Variants in PIP5K1C observed in about 807,000 individuals in gnomAD.
PIP5K1C encodes phosphatidylinositol-4-phosphate 5-kinase type 1 gamma, also known as phosphatidylinositol 4-phosphate 5-kinase type-1 gamma.
In PIP5K1C, 45 loss-of-function variants were observed where a neutral mutation model predicts 80.1. That is an observed-to-expected ratio of 0.56 (90% CI 0.44 to 0.72). PIP5K1C has a LOEUF of 0.72. Ranked by LOEUF, PIP5K1C falls within the 30% of genes least tolerant of loss-of-function variation. The pLI is 0.00. For synonymous variants in PIP5K1C, 498 were observed against 420.1 expected, an observed-to-expected ratio of 1.19 and a Z score of -2.27; for missense variants, 753 against 954.6, an observed-to-expected ratio of 0.79 and a Z score of 2.78.
intron 1 of PIP5K1C, among the ~76,000 whole-genome samples, chr19:3,680,732 A>C (rs147234743): frequency 6.6e-6 from 1 of 152,392 alleles, no homozygotes; most frequent in African/African-American, 2.4e-5. Flanking sequence ...GTCAGGGGTC[A>C]GCAAACTTTT....
In PIP5K1C at chr19:3,696,985, T is replaced by C. The variant is rs1212594467; in HGVS notation, c.94+3312A>G. 2.0e-5 allele frequency among the ~76,000 whole-genome samples: 3 copies of C among 149,466 alleles called. No homozygotes were observed. The highest frequency in any genetic ancestry group is 3.0e-5 in the Non-Finnish European group (2 of 67,174). On this transcript the variant is annotated intron_variant, in intron 1 of 17. Coordinates refer to ENST00000335312, the MANE Select transcript of PIP5K1C (RefSeq NM_012398.3). The surrounding 1 kb of genome is among the most constrained non-coding windows in gnomAD (Gnocchi z 4.1). ...AGGACTGAGCTGGACCGAGGAGGAC[T>C]GAGCTGGACGGAGGAGGATCGAGCT... is the stretch of plus-strand genomic sequence containing the variant.
In PIP5K1C at chr19:3,700,287, G is replaced by A; in HGVS notation, c.94+10C>T. On this transcript the variant is annotated intron_variant, in intron 1 of 17. Coordinates refer to ENST00000335312, the MANE Select transcript of PIP5K1C (RefSeq NM_012398.3). ...CAGCGGGCCGCAGCCCCGGGAGGCC[G>A]GGCCGTTACCTGCCGCCGCCCCGCT... is the stretch of plus-strand genomic sequence containing the variant. The A allele has an allele frequency of 3.2e-6, 4 of 1,261,772 alleles. No homozygotes were observed. The highest frequency in any genetic ancestry group is 3.0e-5 in the Admixed American group (1 of 33,230). 78.2% of individuals were successfully genotyped at this position (1,261,772 alleles called of 1,614,324 possible). A position where few individuals can be genotyped will look rare whatever the true frequency, so the allele number is the denominator to read the frequency against.
intron 1 of PIP5K1C, among the ~76,000 whole-genome samples, chr19:3,685,176 T>A (rs1339102014): frequency 2.6e-5 from 4 of 152,134 alleles, no homozygotes; most frequent in Non-Finnish European, 5.9e-5. Flanking sequence ...CAGCAATGGG[T>A]TGGGGACTCA....
chr19:3,643,422 GCCCC>G, intron 12 of PIP5K1C, 41 bp from the exon 13 acceptor site: 1 of 1,610,356 alleles, frequency 6.2e-7, no homozygotes, highest in Non-Finnish European at 8.5e-7. Flanking sequence ...GAGCCTCCGA[GCCCC>G]CAAACACACA....
At position 3,644,116 on chromosome 19, in the gene PIP5K1C, GC is replaced by G; in HGVS notation, c.1480del (p.Ala494ProfsTer117). 6.2e-7 allele frequency: 1 copy of G among 1,611,348 alleles called. No individual in the cohort carries two copies. Reference sequence around the variant, plus strand: ...GTCCTCCAGCGTGGGGTAGCTGCGGGCCCCCCGCAGGTCGTACTGGGCCTCC... The same window carrying G: ...GTCCTCCAGCGTGGGGTAGCTGCGGGCCCCCGCAGGTCGTACTGGGCCTCC... Reference protein sequence around the residue: ...REEAQYDLRGARSYPTLEDEG... With the variant: ...REEAQYDLRGXRSYPTLEDEG... On this transcript the variant is annotated frameshift_variant, in exon 12 of 18. Coordinates refer to ENST00000335312, the MANE Select transcript of PIP5K1C (RefSeq NM_012398.3). LOFTEE classifies it high-confidence loss of function.
chr19:3,637,716 CG>C lies in PIP5K1C; in HGVS notation c.1920+1167del. The C allele has an allele frequency of 1.5e-6, 2 of 1,296,408 alleles. No individual in the cohort carries two copies. Among genetic ancestry groups the C allele is most frequent in the Non-Finnish European group, 1.0e-6 (1 of 994,070 alleles). 80.3% of individuals were successfully genotyped at this position (1,296,408 alleles called of 1,614,324 possible). On this transcript the variant is annotated intron_variant, in intron 16 of 17. Coordinates refer to ENST00000335312, the MANE Select transcript of PIP5K1C (RefSeq NM_012398.3). The surrounding 1 kb of genome is among the most constrained non-coding windows in gnomAD (Gnocchi z 7.0). Reference sequence around the variant, plus strand: ...GGGTGGGAGAGGCGGAGGGAGGTGGCGGGGAGCAGGTGGGGACAGCTGACTG... The same window carrying C: ...GGGTGGGAGAGGCGGAGGGAGGTGGCGGGAGCAGGTGGGGACAGCTGACTG...
rs939770025 is a variant in PIP5K1C at position 3,696,744 on chromosome 19, A to G, written c.94+3553T>C. Among the ~76,000 whole-genome samples the G allele has an allele frequency of 5.0e-4, 9 of 17,968 alleles. No individual in the cohort carries two copies. The highest frequency in any genetic ancestry group is 7.1e-4 in the Admixed American group (1 of 1,414). The allele number at this position is 17,968 out of a possible 152,430, so 11.8% of individuals were successfully genotyped here. A position where few individuals can be genotyped will look rare whatever the true frequency, so the allele number is the denominator to read the frequency against. The stretch of plus-strand genomic sequence containing the variant: ...GAGGGCAGAGTGCGGAGGGGAGGGC[A>G]GGGAGGGCAGGGAGGGCCCGGGGCA... On this transcript the variant is annotated intron_variant, in intron 1 of 17. Coordinates refer to ENST00000335312, the MANE Select transcript of PIP5K1C (RefSeq NM_012398.3). The surrounding 1 kb of genome is among the most constrained non-coding windows in gnomAD (Gnocchi z 4.1).
At position 3,670,055 on chromosome 19, in the gene PIP5K1C, G is replaced by C. The variant is rs1252684772; in HGVS notation, c.95-2702C>G. 3.3e-5 allele frequency among the ~76,000 whole-genome samples: 5 copies of C among 150,742 alleles called. 1 individual carries two copies. In the South Asian group the frequency reaches 1.1e-3, roughly 32 times the overall value. On this transcript the variant is annotated intron_variant, in intron 1 of 17. Coordinates refer to ENST00000335312, the MANE Select transcript of PIP5K1C (RefSeq NM_012398.3). ...GCTGGGGCCAGAAGCCTCTGCAGGC[G>C]GCAGGTGGGGAGGGGACTGCGGTCA... is the stretch of plus-strand genomic sequence containing the variant.
At chr19:3,661,743 A>G in intron 4 of PIP5K1C, 128 bp downstream of exon 4, 1 of 1,123,802 alleles carries the variant, frequency 8.9e-7, no homozygotes, top group Non-Finnish European at 1.3e-6. Context: ...GCCAGAGCTC[A>G]AGGCCAAGGA....
In PIP5K1C at chr19:3,696,634, G is replaced by T. The variant is rs138593091; in HGVS notation, c.94+3663C>A. Among the ~76,000 whole-genome samples, 3,383 of 150,372 alleles carry T rather than the reference G, an allele frequency of 0.022. 88 individuals are homozygous for T. The highest frequency in any genetic ancestry group is 0.057 in the African/African-American group (2,328 of 40,610). Reference sequence around the variant, plus strand: ...GGGGGTGGGGGGCAGCCGTGCAAAGGCCCCGGGGCAGGACCATGCCCTGCA... The same window carrying T: ...GGGGGTGGGGGGCAGCCGTGCAAAGTCCCCGGGGCAGGACCATGCCCTGCA... On this transcript the variant is annotated intron_variant, in intron 1 of 17. Coordinates refer to ENST00000335312, the MANE Select transcript of PIP5K1C (RefSeq NM_012398.3). This position sits in a 1 kb window ranked among gnomAD's most constrained non-coding sequence, Gnocchi z 4.1.
chr19:3,646,531 G>A (rs1056663149), intron 10 of PIP5K1C, among the ~76,000 whole-genome samples: 6 of 152,144 alleles, frequency 3.9e-5, no homozygotes, highest in Admixed American at 6.5e-5. Flanking sequence ...GGTGGTGCCC[G>A]GCCACTCTGG....
chr19:3,686,961 G>A (rs1447769443), intron 1 of PIP5K1C, among the ~76,000 whole-genome samples: 1 of 152,106 alleles, frequency 6.6e-6, no homozygotes, highest in East Asian at 1.9e-4. Context: ...GGGAGGCCGA[G>A]GCAGGTGGAT....
intron 1 of PIP5K1C, among the ~76,000 whole-genome samples, chr19:3,670,197 C>A (rs1438253342): frequency 6.6e-6 from 1 of 152,154 alleles, no homozygotes; most frequent in Non-Finnish European, 1.5e-5. Flanking sequence ...CGTGGTCAGT[C>A]CCCACGCCTG....
rs549522287 is a variant in PIP5K1C at position 3,667,700 on chromosome 19, G to C, written c.95-347C>G. Among the ~76,000 whole-genome samples, 33 of 152,260 alleles carry C rather than the reference G, an allele frequency of 2.2e-4. 1 individual carries two copies. The highest frequency in any genetic ancestry group is 7.9e-4 in the African/African-American group (33 of 41,558). ...TGGACCTGCCTGGAGGAGGGGAGGG[G>C]AAATAGGGAGCAAACCTCCCCCGGC... On this transcript the variant is annotated intron_variant, in intron 1 of 17. Coordinates refer to ENST00000335312, the MANE Select transcript of PIP5K1C (RefSeq NM_012398.3).
chr19:3,680,688 A>G (rs576674150), intron 1 of PIP5K1C, among the ~76,000 whole-genome samples: 6 of 152,364 alleles, frequency 3.9e-5, no homozygotes, highest in Admixed American at 3.9e-4. Flanking sequence ...ATTACTACAT[A>G]GGTCAAAAAA....
At chr19:3,689,946 T>C (rs922166266) in intron 1 of PIP5K1C, among the ~76,000 whole-genome samples, 2 of 152,152 alleles carry the variant, frequency 1.3e-5, no homozygotes, top group Non-Finnish European at 2.9e-5. Flanking sequence ...GCCCCTTCTA[T>C]AGGCTGGAAA....
At chr19:3,675,129 C>T (rs1334823246) in intron 1 of PIP5K1C, among the ~76,000 whole-genome samples, 1 of 152,136 alleles carries the variant, frequency 6.6e-6, no homozygotes, top group Non-Finnish European at 1.5e-5. Flanking sequence ...GCAGGGTTTG[C>T]TTTCGGGGTG....
chr19:3,655,495 G>A lies in PIP5K1C; in HGVS notation c.621+910C>T, dbSNP rs141318532. On this transcript the variant is annotated intron_variant, in intron 6 of 17. Coordinates refer to ENST00000335312, the MANE Select transcript of PIP5K1C (RefSeq NM_012398.3). ...GACACGTGAAAGTGATATGGAATTC[G>A]CATTTCTTGGTCCATAAATAATGCG... is the stretch of plus-strand genomic sequence containing the variant. Among the ~76,000 whole-genome samples, 242 of 152,322 alleles carry A rather than the reference G, an allele frequency of 1.6e-3. 2 individuals carry two copies. Among genetic ancestry groups the A allele is most frequent in the East Asian group, 5.0e-3 (26 of 5,188 alleles).
At chr19:3,689,768 C>T (rs532271853) in intron 1 of PIP5K1C, among the ~76,000 whole-genome samples, 5 of 152,270 alleles carry the variant, frequency 3.3e-5, no homozygotes, top group Admixed American at 6.5e-5. Context: ...TAATCACACA[C>T]GCACACGCTA....
Sources: allele counts gnomAD v4.1 joint callset (sites outside exome capture counted in the v4.1 genomes callset), GRCh38; gene constraint gnomAD v4.1.1; non-coding constraint Gnocchi (gnomAD v3.1); transcripts MANE v1.5; gene names NCBI Gene and HGNC (gene_info 2026-07-23, HGNC 2026-07-21).